The following OTOGL variants were observed in gnomAD, a reference collection of about 807,000 sequenced individuals.
OTOGL encodes the protein otogelin-like protein.
Under a neutral mutation model 318.5 loss-of-function variants are expected in OTOGL, and 285 were observed. The observed-to-expected ratio is 0.89, with a 90% CI of 0.81 to 0.99. The LOEUF (loss-of-function observed/expected upper bound fraction) is 0.99, where lower values mean the gene tolerates loss of function less well. Among genes scored for constraint, OTOGL ranks in the 50% least tolerant of loss-of-function variants. The probability of loss-of-function intolerance (pLI) is 0.00; values close to 1 mark genes in which losing one functional copy is unlikely to be tolerated. For missense variants in OTOGL, 2,899 were observed against 2,845.6 expected (o/e 1.02, Z -0.43); for synonymous variants, 987 against 936.5 (o/e 1.05, Z -0.99).
rs1438987130 is a variant in OTOGL, at chr12:80,377,104, AC to A, written c.6782-18del. 4 of 1,565,944 alleles carry A rather than the reference AC, an allele frequency of 2.6e-6. No homozygotes were observed. In the East Asian group the frequency reaches 9.0e-5, roughly 35 times the overall value. On this transcript the variant is annotated intron_variant, in intron 57 of 58. Transcript: ENST00000547103. ...TAACGTAGGCCTTTGATGAATAAATACATTTTATATTTTATCAGGCAAACGA... is the reference window on the plus strand; with the variant it reads ...TAACGTAGGCCTTTGATGAATAAATAATTTTATATTTTATCAGGCAAACGA...
intron 1 of OTOGL, among the ~76,000 whole-genome samples, chr12:80,168,322 C>A (rs539160823): frequency 6.6e-6 from 1 of 152,186 alleles, no homozygotes; most frequent in South Asian, 2.1e-4. Flanking sequence ...ATTTGTTTAC[C>A]TAGCAACATT....
Position 80,305,575 on chromosome 12 carries a change from G to A in OTOGL, c.3214-1G>A. 1.3e-6 allele frequency: 2 copies of A among 1,540,732 alleles called. No individual in the cohort carries two copies. The highest frequency in any genetic ancestry group is 4.6e-5 in the East Asian group (2 of 43,264). ...TTCCTGGTGATTTTCTCTTACTTTAGAACAAGCTATCAGGATTGTGTGGAA... is the reference window on the plus strand; with the variant it reads ...TTCCTGGTGATTTTCTCTTACTTTAAAACAAGCTATCAGGATTGTGTGGAA... On this transcript the variant is annotated splice_acceptor_variant, in intron 28 of 58. Transcript: ENST00000547103. LOFTEE classifies it high-confidence loss of function.
At chr12:80,288,396 G>T (rs986817727) in intron 26 of OTOGL, among the ~76,000 whole-genome samples, 1 of 152,076 alleles carries the variant, frequency 6.6e-6, no homozygotes, top group East Asian at 1.9e-4. Flanking sequence ...TCTTCTCGAA[G>T]AGTATCTTAG....
intron 28 of OTOGL, 93 bp from the exon 29 acceptor site, chr12:80,305,483 A>G (rs939218095): frequency 4.0e-5 from 43 of 1,086,688 alleles, no homozygotes; most frequent in African/African-American, 4.9e-5. Flanking sequence ...GCTTAAATAT[A>G]TATTTGAAAT....
chr12:80,298,185 G>A (rs1565963820), intron 27 of OTOGL, among the ~76,000 whole-genome samples: 1 of 152,202 alleles, frequency 6.6e-6, no homozygotes, highest in Non-Finnish European at 1.5e-5. Context: ...ATACATTCAG[G>A]TAAATAAGGA....
intron 38 of OTOGL, among the ~76,000 whole-genome samples, chr12:80,334,455 T>C (rs1464482099): frequency 1.3e-5 from 2 of 151,964 alleles, no homozygotes; most frequent in African/African-American, 2.4e-5. Flanking sequence ...ATGGAGTATA[T>C]ATAGGTCATG....
intron 1 of OTOGL, among the ~76,000 whole-genome samples, chr12:80,188,807 A>C (rs977220162): frequency 2.0e-5 from 3 of 152,172 alleles, no homozygotes; most frequent in African/African-American, 7.2e-5. Context: ...GATCATAAAC[A>C]ATCGATCCTC....
At position 80,253,515 on chromosome 12, in the gene OTOGL, C is replaced by T. The variant is rs776984171; in HGVS notation, c.1335C>T (p.Cys445=). ...GTCISLENCP[C]GFHGLAYSVG... is the part of the protein sequence containing the mutation. ...GCATCTCCTTGGAAAATTGCCCATG[C>T]GGTTTTCATGGATTAGCTTATTCAG... Residue 445 remains cysteine (C), a synonymous_variant, in exon 14 of 59, where the codon TGC becomes TGT. Coordinates refer to ENST00000547103, the MANE Select transcript of OTOGL (RefSeq NM_001378609.3). The T allele has an allele frequency of 2.0e-5, 32 of 1,613,122 alleles. No individual in the cohort carries two copies. The highest frequency in any genetic ancestry group is 6.7e-5 in the East Asian group (3 of 44,866).
intron 21 of OTOGL, 25 bp from the exon 22 acceptor site, chr12:80,267,227 AT>A: frequency 7.0e-7 from 1 of 1,429,540 alleles, no homozygotes; most frequent in Non-Finnish European, 9.5e-7. Context: ...ATTGTATCCT[AT>A]TTACTTTACT....
chr12:80,336,535 GA>G lies in OTOGL; in HGVS notation c.4728del (p.Lys1576AsnfsTer4). 6.2e-7 allele frequency: 1 copy of G among 1,607,666 alleles called. No individual in the cohort carries two copies. Among genetic ancestry groups the G allele is most frequent in the South Asian group, 1.1e-5 (1 of 90,022 alleles). On this transcript the variant is annotated frameshift_variant, in exon 40 of 59. Coordinates refer to ENST00000547103, the MANE Select transcript of OTOGL (RefSeq NM_001378609.3). LOFTEE classifies it high-confidence loss of function. ...TGGTGAAATTATAGTTGCTCATATC[GA>G]AAAATGTTCCATGAATCAGGTGGGT... Reference protein sequence around the residue: ...IPGEIIVAHIEKCSMNQNGNS... With the variant: ...IPGEIIVAHIXKCSMNQNGNS...
chr12:80,157,021 T>C lies in OTOGL; in HGVS notation c.-19-52392T>C, dbSNP rs146852627. On this transcript the variant is annotated intron_variant, in intron 1 of 58. Coordinates refer to ENST00000547103, the MANE Select transcript of OTOGL (RefSeq NM_001378609.3). Reference sequence around the variant, plus strand: ...GTTTTTCAAGGAACCTCCAAACTGTTCTCCATAGTGGTTGTACTGATTTAC... The same window carrying C: ...GTTTTTCAAGGAACCTCCAAACTGTCCTCCATAGTGGTTGTACTGATTTAC... Among the ~76,000 whole-genome samples the C allele has an allele frequency of 3.4e-3, 522 of 152,278 alleles. 4 individuals carry two copies. The highest frequency in any genetic ancestry group is 0.012 in the African/African-American group (503 of 41,558).
intron 1 of OTOGL, among the ~76,000 whole-genome samples, chr12:80,195,458 G>T (rs373606699): frequency 5.3e-5 from 8 of 152,150 alleles, no homozygotes; most frequent in Admixed American, 6.5e-5. Context: ...TATACACAAG[G>T]TAAATAAAAA....
intron 5 of OTOGL, 36 bp from the exon 6 acceptor site, chr12:80,219,778 G>A: frequency 7.6e-7 from 1 of 1,316,406 alleles, no homozygotes; most frequent in Non-Finnish European, 1.1e-6. Context: ...ACAAATGGAT[G>A]CCAGAAGATA....
chr12:80,193,383 G>T (rs760382084), intron 1 of OTOGL, among the ~76,000 whole-genome samples: 7 of 152,076 alleles, frequency 4.6e-5, no homozygotes, highest in Non-Finnish European at 1.0e-4. Flanking sequence ...GGGCATGGTG[G>T]TGCATGCCTG....
chr12:80,222,228 C>T lies in OTOGL; in HGVS notation c.472C>T (p.Pro158Ser). The stretch of plus-strand genomic sequence containing the variant: ...TGCAAAGGACTGTGGTGATTTGGAG[C>T]CTCGGTACACTGTATGGGTAGGTGA... ...IFAKDCGDLE[P>S]RYTVWVHNSP... The change falls in exon 7 of 59, where the codon CCT becomes TCT. Residue 158 changes from proline to serine, a missense_variant. Physicochemically the swap from Pro to Ser is moderately conservative, Grantham distance 74. Coordinates refer to ENST00000547103, the MANE Select transcript of OTOGL (RefSeq NM_001378609.3). 6.3e-7 allele frequency: 1 copy of T among 1,596,098 alleles called. No individual in the cohort carries two copies. The highest frequency in any genetic ancestry group is 1.1e-5 in the South Asian group (1 of 90,910).
rs773506095 is a variant in OTOGL, at chr12:80,232,852, T to TA, written c.612-40_612-39insA. 6.7e-6 allele frequency: 10 copies of TA among 1,496,902 alleles called. No homozygotes were observed. In the South Asian group the frequency reaches 9.3e-5, roughly 14 times the overall value. 92.7% of individuals were successfully genotyped at this position (1,496,902 alleles called of 1,614,324 possible). A position where few individuals can be genotyped will look rare whatever the true frequency, so the allele number is the denominator to read the frequency against. On this transcript the variant is annotated intron_variant, in intron 8 of 58. Transcript: ENST00000547103. ...AAATATGTCATCTGTAATTGAGACT[T>TA]TATCATCATTCTTAGATAGCTTTTG...
At chr12:80,259,420 T>A (rs1195150643) in intron 18 of OTOGL, among the ~76,000 whole-genome samples, 3 of 152,036 alleles carry the variant, frequency 2.0e-5, no homozygotes, top group Non-Finnish European at 4.4e-5. Flanking sequence ...AATGTGCAGG[T>A]TTGTTACATA....
At position 80,269,485 on chromosome 12, in the gene OTOGL, G is replaced by A. The variant is rs1387794947; in HGVS notation, c.2466-617G>A. ...AGGTCTTCAATGGCTCACCTCAGGGGTAAAATCTTAGCATCTTCTAGGAGC... is the reference window on the plus strand; with the variant it reads ...AGGTCTTCAATGGCTCACCTCAGGGATAAAATCTTAGCATCTTCTAGGAGC... On this transcript the variant is annotated intron_variant, in intron 22 of 58. Transcript: ENST00000547103. 2.6e-5 allele frequency among the ~76,000 whole-genome samples: 4 copies of A among 152,134 alleles called. No homozygotes were observed. In the East Asian group the frequency reaches 7.7e-4, roughly 29 times the overall value.
chr12:80,365,023 G>A (rs1890443843), intron 52 of OTOGL, among the ~76,000 whole-genome samples: 1 of 152,082 alleles, frequency 6.6e-6, no homozygotes, highest in Admixed American at 6.6e-5. Flanking sequence ...CAAGGCTGTG[G>A]AGAAATGGAA....
Sources: gnomAD v4.1 joint callset for allele counts (sites outside exome capture counted in the v4.1 genomes callset) on GRCh38, gnomAD v4.1.1 for gene constraint, MANE v1.5 for transcripts, NCBI Gene and HGNC (gene_info 2026-07-23, HGNC 2026-07-21) for gene names.